The following CCN3 variants were observed in gnomAD, a reference collection of about 807,000 sequenced individuals.
CCN3 encodes CCN family member 3.
Under a neutral mutation model 33.4 loss-of-function variants are expected in CCN3, and 20 were observed. That is an observed-to-expected ratio of 0.60 (90% CI 0.42 to 0.87). CCN3 has a LOEUF of 0.87. CCN3 is among the 40% of genes least tolerant of loss of function. The pLI, the probability that CCN3 is intolerant of heterozygous loss-of-function variation, is 0.00. For missense variants in CCN3, 465 were observed against 455.3 expected, an observed-to-expected ratio of 1.02 and a Z score of -0.19; for synonymous variants, 205 against 170.4, an observed-to-expected ratio of 1.20 and a Z score of -1.58.
rs751088620 is a variant in CCN3 at position 119,416,894 on chromosome 8, G to C, written c.235G>C (p.Glu79Gln). The C allele has an allele frequency of 5.0e-6, 8 of 1,613,954 alleles. No homozygotes were observed. The highest frequency in any genetic ancestry group is 6.8e-6 in the Non-Finnish European group (8 of 1,180,028). Residue 79 changes from glutamate to glutamine, a missense_variant, in exon 2 of 5, where the codon GAG (glutamate) becomes CAG (glutamine). Glu to Gln is a conservative substitution (Grantham distance 29). Transcript: ENST00000259526. Reference protein sequence around the residue: ...RQRGESCSDLEPCDESSGLYC... With the variant: ...RQRGESCSDLQPCDESSGLYC... ...GCGTGGCGAGAGCTGCTCAGATCTG[G>C]AGCCATGCGACGAGAGCAGTGGCCT...
rs770175066 is a variant in CCN3 at position 119,421,011 on chromosome 8, C to CTTTTTTTTT, written c.777+1683_777+1691dup. Among the ~76,000 whole-genome samples the CTTTTTTTTT allele has an allele frequency of 6.3e-4, 47 of 75,028 alleles. 3 individuals carry two copies. Among genetic ancestry groups the CTTTTTTTTT allele is most frequent in the African/African-American group, 8.8e-4 (16 of 18,100 alleles). 49.2% of individuals were successfully genotyped at this position (75,028 alleles called of 152,430 possible). ...GATTCTTAAATCTAAGACAGTGGTT[C>CTTTTTTTTT]TTTTTTTTTTTTTTTTTTTTTTTTT... On this transcript the variant is annotated intron_variant, in intron 4 of 4. Coordinates refer to ENST00000259526, the MANE Select transcript of CCN3 (RefSeq NM_002514.4).
At chr8:119,417,134 G>C in intron 2 of CCN3, 165 bp downstream of exon 2, 1 of 655,450 alleles carries the variant, frequency 1.5e-6, no homozygotes, top group South Asian at 2.2e-5. Flanking sequence ...ATGGTTTGGG[G>C]AGCACTTGGG....
intron 4 of CCN3, 85 bp from the exon 5 acceptor site, chr8:119,422,751 C>T (rs574821674): frequency 1.8e-6 from 2 of 1,095,392 alleles, no homozygotes; most frequent in East Asian, 4.8e-5. Context: ...ATTGGGTGGG[C>T]AACTAGCAGG....
At position 119,423,043 on chromosome 8, in the gene CCN3, G is replaced by T. The variant is rs1221833167; in HGVS notation, c.985G>T (p.Gly329Trp). The change falls in exon 5 of 5, where the codon GGG (glycine) becomes TGG (tryptophan). Residue 329 changes from glycine to tryptophan, a missense_variant. By Grantham distance (184) the Gly-to-Trp change is radical. Transcript: ENST00000259526. ...AGTCAAGAAGCCAGTGATGGTCATT[G>T]GGACCTGCACCTGTCACACCAACTG... The part of the protein sequence containing the change: ...QIVKKPVMVI[G>W]TCTCHTNCPK... 4.3e-6 allele frequency: 7 copies of T among 1,613,988 alleles called. No homozygotes were observed. The highest frequency in any genetic ancestry group is 1.7e-5 in the Admixed American group (1 of 59,994).
rs746046519 is a variant in CCN3 at position 119,418,231 on chromosome 8, G to T, written c.484G>T (p.Glu162Ter). 6.2e-7 allele frequency: 1 copy of T among 1,614,230 alleles called. No homozygotes were observed. Among genetic ancestry groups the T allele is most frequent in the Non-Finnish European group, 8.5e-7 (1 of 1,180,050 alleles). The stretch of plus-strand genomic sequence containing the variant: ...TAACTGCCCAGCTCCAAGAAAAGTT[G>T]AGGTGCCTGGAGAGTGCTGTGAAAA... ...EPNCPAPRKVEVPGECCEKWI... is the reference protein window; with the variant it reads ...EPNCPAPRKV Residue 162 changes from glutamate to a stop codon, truncating the protein, a stop_gained, in exon 3 of 5, where the codon GAG (glutamate) becomes TAG (stop). Transcript: ENST00000259526. LOFTEE classifies it high-confidence loss of function.
Position 119,416,818 on chromosome 8 carries a change from G to C in CCN3, c.159G>C (p.Gly53=). ...CPATPPTCAP[G]VRAVLDGCSC... Reference sequence around the variant, plus strand: ...CGACGCCGCCGACCTGCGCCCCCGGGGTGCGCGCGGTGCTGGACGGCTGCT... The same window carrying C: ...CGACGCCGCCGACCTGCGCCCCCGGCGTGCGCGCGGTGCTGGACGGCTGCT... The change falls in exon 2 of 5, where the codon GGG becomes GGC. Residue 53 remains glycine, a synonymous_variant. Coordinates refer to ENST00000259526, the MANE Select transcript of CCN3 (RefSeq NM_002514.4). The C allele has an allele frequency of 6.2e-7, 1 of 1,609,118 alleles. No individual in the cohort carries two copies.
In CCN3 at chr8:119,416,538, G is replaced by A. The variant is rs2130450611; in HGVS notation, c.6G>A (p.Gln2=). 1.2e-6 allele frequency: 2 copies of A among 1,613,898 alleles called. No homozygotes were observed. Among genetic ancestry groups the A allele is most frequent in the East Asian group, 4.5e-5 (2 of 44,866 alleles). Residue 2 remains glutamine (Q), a synonymous_variant, in exon 1 of 5, where the codon CAG becomes CAA. Transcript: ENST00000259526. Reference sequence around the variant, plus strand: ...CGAGAGGGGAAAGCCTGAGCATGCAGAGTGTGCAGAGCACGAGCTTTTGTC... The same window carrying A: ...CGAGAGGGGAAAGCCTGAGCATGCAAAGTGTGCAGAGCACGAGCTTTTGTC... M[Q]SVQSTSFCLR... is the part of the protein sequence containing the mutation.
chr8:119,417,090 A>C, intron 2 of CCN3, 121 bp downstream of exon 2: 1 of 845,158 alleles, frequency 1.2e-6, no homozygotes, highest in Non-Finnish European at 1.8e-6. Flanking sequence ...AATGCAATAA[A>C]TGACATGTAT....
intron 4 of CCN3, among the ~76,000 whole-genome samples, chr8:119,422,509 A>G (rs1587237232): frequency 6.6e-6 from 1 of 152,206 alleles, no homozygotes; most frequent in Non-Finnish European, 1.5e-5. Flanking sequence ...AAAGACCATT[A>G]TGTACAATTA....
intron 4 of CCN3, 125 bp downstream of exon 4, chr8:119,419,470 A>G: frequency 2.2e-6 from 2 of 892,548 alleles, no homozygotes; most frequent in Non-Finnish European, 3.4e-6. Context: ...AGTTAACCCC[A>G]GAGAAAAGGC....
rs1285390303 is a variant in CCN3 at position 119,423,022 on chromosome 8, A to G, written c.964A>G (p.Lys322Glu). Residue 322 changes from lysine to glutamate, a missense_variant, in exon 5 of 5, where the codon AAG becomes GAG. Transcript: ENST00000259526. Reference protein sequence around the residue: ...EFQCSPGQIVKKPVMVIGTCT... With the variant: ...EFQCSPGQIVEKPVMVIGTCT... The stretch of plus-strand genomic sequence containing the variant: ...TCAGTGCTCCCCAGGGCAAATAGTC[A>G]AGAAGCCAGTGATGGTCATTGGGAC... The G allele has an allele frequency of 1.2e-6, 2 of 1,614,044 alleles. No individual in the cohort carries two copies. Among genetic ancestry groups the G allele is most frequent in the African/African-American group, 1.3e-5 (1 of 74,904 alleles).
Position 119,416,768 on chromosome 8 carries a change from C to A in CCN3, c.109C>A (p.Pro37Thr). ...GQVAATQRCP[P>T]QCPGRCPATP... ...GGTCGCTGCGACTCAGCGCTGCCCT[C>A]CCCAGTGCCCGGGCCGGTGCCCTGC... The change falls in exon 2 of 5, where the codon CCC (proline) becomes ACC (threonine). Residue 37 changes from proline to threonine, a missense_variant. Physicochemically the swap from Pro to Thr is conservative, Grantham distance 38 (BLOSUM62 -1). Transcript: ENST00000259526. 1 of 1,592,858 alleles carries A rather than the reference C, an allele frequency of 6.3e-7. No homozygotes were observed. Among genetic ancestry groups the A allele is most frequent in the Non-Finnish European group, 8.6e-7 (1 of 1,169,564 alleles).
chr8:119,417,649 CT>C (rs1820069785), intron 2 of CCN3, among the ~76,000 whole-genome samples: 1 of 152,172 alleles, frequency 6.6e-6, no homozygotes, highest in African/African-American at 2.4e-5. Context: ...TCTTAATGCC[CT>C]TCCCAATTTG....
chr8:119,422,725 A>G, intron 4 of CCN3, 111 bp from the exon 5 acceptor site: 1 of 871,496 alleles, frequency 1.1e-6, no homozygotes. Flanking sequence ...ATAGCAAAGA[A>G]GAAAGACCAA....
chr8:119,420,567 G>T (rs1820109309), intron 4 of CCN3, among the ~76,000 whole-genome samples: 1 of 152,028 alleles, frequency 6.6e-6, no homozygotes, highest in Admixed American at 6.5e-5. Flanking sequence ...TTATATCCTA[G>T]GAGATGCACT....
intron 1 of CCN3, 46 bp downstream of exon 1, chr8:119,416,662 TTGG>T: frequency 6.3e-7 from 1 of 1,599,342 alleles, no homozygotes; most frequent in South Asian, 1.1e-5. Flanking sequence ...TTTGCCCGCC[TTGG>T]TGGCCCCCAT....
At chr8:119,417,871 T>C (rs1820073330) in intron 2 of CCN3, among the ~76,000 whole-genome samples, 187 bp from the exon 3 acceptor site, 1 of 152,184 alleles carries the variant, frequency 6.6e-6, no homozygotes, top group Non-Finnish European at 1.5e-5. Flanking sequence ...AGGTTTCTTC[T>C]TGCTCTGAGA....
rs1166070391 is a variant in CCN3 at position 119,422,780 on chromosome 8, T to C, written c.778-56T>C. The C allele has an allele frequency of 2.8e-6, 4 of 1,412,598 alleles. No homozygotes were observed. In the East Asian group the frequency reaches 6.9e-5, roughly 24 times the overall value. 87.5% of individuals were successfully genotyped at this position (1,412,598 alleles called of 1,614,324 possible). On this transcript the variant is annotated intron_variant, in intron 4 of 4. Coordinates refer to ENST00000259526, the MANE Select transcript of CCN3 (RefSeq NM_002514.4). The stretch of plus-strand genomic sequence containing the variant: ...TAGCAGGTAATTCCATACTCTAAAA[T>C]TGTCCCTCAGGGGAATGGTAGCCAT...
intron 3 of CCN3, among the ~76,000 whole-genome samples, chr8:119,418,720 C>T (rs1820085953): frequency 6.6e-6 from 1 of 152,208 alleles, no homozygotes. Flanking sequence ...GAAGGCTACT[C>T]ATCCCTGCAC....
Sources: allele counts gnomAD v4.1 joint callset (sites outside exome capture counted in the v4.1 genomes callset), GRCh38; gene constraint gnomAD v4.1.1; transcripts MANE v1.5; gene names NCBI Gene and HGNC (gene_info 2026-07-23, HGNC 2026-07-21).